ANKRD44: variants seen among roughly 807,000 people sequenced by gnomAD.
The protein encoded by ANKRD44 is serine/threonine-protein phosphatase 6 regulatory ankyrin repeat subunit B.
In ANKRD44, 35 loss-of-function variants were observed where a neutral mutation model predicts 116.0. That is an observed-to-expected ratio of 0.30 (90% CI 0.23 to 0.40). ANKRD44 has a LOEUF of 0.40. ANKRD44 is among the 10% of genes least tolerant of loss of function. ANKRD44 has a pLI of 1.00. For missense variants in ANKRD44, 1,014 were observed against 1,242.6 expected, an observed-to-expected ratio of 0.82 and a Z score of 2.77; for synonymous variants, 435 against 461.8, an observed-to-expected ratio of 0.94 and a Z score of 0.74.
chr2:197,222,233 C>T (rs905982870), intron 1 of ANKRD44, among the ~76,000 whole-genome samples: 1 of 152,060 alleles, frequency 6.6e-6, no homozygotes, highest in Admixed American at 6.5e-5. Context: ...CCCCATGGTA[C>T]CTGCTGGTGC....
At chr2:197,301,834 T>C (rs1160737617) in intron 1 of ANKRD44, among the ~76,000 whole-genome samples, 1 of 152,226 alleles carries the variant, frequency 6.6e-6, no homozygotes. Flanking sequence ...CTGTTATCTA[T>C]ATCTTAGCCA....
intron 1 of ANKRD44, among the ~76,000 whole-genome samples, chr2:197,305,994 A>G (rs1402413451): frequency 9.8e-6 from 1 of 101,778 alleles, no homozygotes; most frequent in Non-Finnish European, 1.9e-5. Context: ...TATATATATG[A>G]AAAAAATCAC....
At chr2:197,028,315 T>C (rs2076637213) in intron 16 of ANKRD44, among the ~76,000 whole-genome samples, 1 of 152,094 alleles carries the variant, frequency 6.6e-6, no homozygotes, top group Admixed American at 6.5e-5. Context: ...CTTGAACTCC[T>C]GGGCTCAAGT....
chr2:197,001,405 C>T (rs906747726), intron 22 of ANKRD44, among the ~76,000 whole-genome samples: 1 of 152,324 alleles, frequency 6.6e-6, no homozygotes, highest in East Asian at 1.9e-4. Context: ...GCCTTTCTAA[C>T]CATCTGTAGG....
At chr2:197,007,961 T>A (rs1177767673) in intron 19 of ANKRD44, 38 bp from the exon 20 acceptor site, 1 of 1,436,464 alleles carries the variant, frequency 7.0e-7, no homozygotes, top group African/African-American at 1.4e-5. Context: ...AAAAAGGAGA[T>A]TTAAAAAAAT....
intron 1 of ANKRD44, among the ~76,000 whole-genome samples, chr2:197,294,184 G>A (rs921653479): frequency 5.9e-5 from 9 of 152,046 alleles, no homozygotes; most frequent in Admixed American, 2.6e-4. Context: ...TTAGGTACTC[G>A]GTCACTGTCC....
At chr2:197,088,820 A>G (rs1482551367) in intron 11 of ANKRD44, 46 bp from the exon 12 acceptor site, 1 of 1,592,490 alleles carries the variant, frequency 6.3e-7, no homozygotes. Context: ...ACTATGCTAT[A>G]CTTTTGTCCT....
At chr2:197,119,065 T>C (rs1305235812) in intron 8 of ANKRD44, among the ~76,000 whole-genome samples, 6 of 152,218 alleles carry the variant, frequency 3.9e-5, no homozygotes, top group Non-Finnish European at 7.3e-5. Flanking sequence ...ATCAAGCATA[T>C]TAACTATTTG....
At chr2:197,006,128 C>T (rs1039442079) in intron 20 of ANKRD44, among the ~76,000 whole-genome samples, 6 of 152,190 alleles carry the variant, frequency 3.9e-5, no homozygotes, top group African/African-American at 1.4e-4. Context: ...TATCTCTTGC[C>T]TCTCCTGACA....
chr2:197,125,586 G>T, intron 5 of ANKRD44, 118 bp from the exon 6 acceptor site: 2 of 1,024,540 alleles, frequency 2.0e-6, no homozygotes. Flanking sequence ...CAGAGATCTG[G>T]AGTTCTGACA....
intron 13 of ANKRD44, among the ~76,000 whole-genome samples, chr2:197,085,738 AC>A (rs2077906150): frequency 6.6e-6 from 1 of 152,212 alleles, no homozygotes; most frequent in African/African-American, 2.4e-5. Context: ...AAAATGGGCC[AC>A]CAGCAGCCCT....
chr2:197,251,016 T>C (rs2082304537), intron 1 of ANKRD44: 1 of 152,252 alleles, frequency 6.6e-6, no homozygotes, highest in South Asian at 2.1e-4. Context: ...AAAACTCTTG[T>C]TAACAAGCTT....
At chr2:197,091,852 T>G (rs1046042533) in intron 10 of ANKRD44, among the ~76,000 whole-genome samples, 2 of 152,174 alleles carry the variant, frequency 1.3e-5, no homozygotes, top group African/African-American at 4.8e-5. Context: ...CACATCACAA[T>G]ACCAGTCACA....
chr2:197,176,080 G>A (rs1648532066), intron 2 of ANKRD44, among the ~76,000 whole-genome samples: 1 of 152,084 alleles, frequency 6.6e-6, no homozygotes, highest in Admixed American at 6.5e-5. Context: ...GATGGCTGGG[G>A]CTCAAGTGGC....
intron 1 of ANKRD44, among the ~76,000 whole-genome samples, chr2:197,230,531 C>G (rs1317672154): frequency 6.6e-6 from 1 of 152,002 alleles, no homozygotes; most frequent in Non-Finnish European, 1.5e-5. Flanking sequence ...TAAGGTTATG[C>G]CATGTGTAGG....
At position 196,979,480 on chromosome 2, in the gene ANKRD44, A is replaced by G. The variant is rs149873094; in HGVS notation, c.2369-12034T>C. 1.4e-4 allele frequency among the ~76,000 whole-genome samples: 21 copies of G among 151,258 alleles called. No individual in the cohort carries two copies. In the East Asian group the frequency reaches 4.1e-3, roughly 29 times the overall value. Reference sequence around the variant, plus strand: ...TCAGAACAGTGCTTGGCACATTGTAAGCACTCAGTGAGCATCAGCTATTTT... The same window carrying G: ...TCAGAACAGTGCTTGGCACATTGTAGGCACTCAGTGAGCATCAGCTATTTT... On this transcript the variant is annotated intron_variant, in intron 21 of 21. Transcript: ENST00000424317.
At chr2:197,166,186 T>C (rs2125520291) in intron 2 of ANKRD44, among the ~76,000 whole-genome samples, 1 of 152,324 alleles carries the variant, frequency 6.6e-6, no homozygotes, top group South Asian at 2.1e-4. Flanking sequence ...ACACCTTCTT[T>C]ACACAATGGC....
intron 12 of ANKRD44, 42 bp from the exon 13 acceptor site, chr2:197,086,790 A>T: frequency 6.3e-7 from 1 of 1,575,816 alleles, no homozygotes; most frequent in Non-Finnish European, 8.7e-7. Context: ...GAAGAGATCA[A>T]TTACTGGCCT....
rs542656618 is a variant in ANKRD44 at position 197,268,701 on chromosome 2, A to G, written c.27+41877T>C. Among the ~76,000 whole-genome samples, 170 of 152,134 alleles carry G rather than the reference A, an allele frequency of 1.1e-3. 3 individuals are homozygous for G. The highest frequency in any genetic ancestry group is 3.9e-3 in the African/African-American group (161 of 41,508). On this transcript the variant is annotated intron_variant, in intron 1 of 27. Transcript: ENST00000282272. ...GAAGAATGCGGTGAATGGGATAAGG[A>G]GGGGGTCTGTATGTCTGCATGCATC...
Sources: gnomAD v4.1 joint callset for allele counts (sites outside exome capture counted in the v4.1 genomes callset) on GRCh38, gnomAD v4.1.1 for gene constraint, MANE v1.5 for transcripts, NCBI Gene and HGNC (gene_info 2026-07-23, HGNC 2026-07-21) for gene names.